PRICKLE2: variants seen among roughly 807,000 people sequenced by gnomAD.
PRICKLE2 encodes the protein prickle planar cell polarity protein 2, also known as prickle-like protein 2.
A neutral mutation model predicts 81.4 loss-of-function variants in PRICKLE2; 21 were observed. The ratio of observed to expected loss-of-function variants is 0.26; its 90% CI spans 0.18 to 0.37. PRICKLE2 has a LOEUF of 0.37. Among genes scored for constraint, PRICKLE2 ranks in the 10% least tolerant of loss-of-function variants. The pLI is 1.00. For missense variants in PRICKLE2, 940 were observed against 1,109.0 expected (o/e 0.85, Z 2.16); for synonymous variants, 456 against 421.5 (o/e 1.08, Z -1.00).
chr3:64,148,299 C>T (rs2077489702), intron 6 of PRICKLE2, among the ~76,000 whole-genome samples: 1 of 152,214 alleles, frequency 6.6e-6, no homozygotes, highest in South Asian at 2.1e-4. Flanking sequence ...AGTGATTCTC[C>T]ATTACTCTCC....
intron 2 of PRICKLE2, among the ~76,000 whole-genome samples, chr3:64,262,612 G>C (rs2107191065): frequency 6.6e-6 from 1 of 151,626 alleles, no homozygotes; most frequent in South Asian, 2.1e-4. Context: ...AAGGAGGCAG[G>C]AGCGGCTGAC....
intron 7 of PRICKLE2, among the ~76,000 whole-genome samples, chr3:64,133,148 C>T (rs2077221606): frequency 6.6e-6 from 1 of 152,132 alleles, no homozygotes; most frequent in Admixed American, 6.6e-5. Flanking sequence ...CCTAACGTGC[C>T]CCTATATTAA....
chr3:64,136,828 A>G (rs2077287466), intron 7 of PRICKLE2, among the ~76,000 whole-genome samples: 1 of 152,214 alleles, frequency 6.6e-6, no homozygotes, highest in African/African-American at 2.4e-5. Flanking sequence ...TTGATGGCAG[A>G]CAAAGGAAAT....
At chr3:64,108,202 G>A (rs766667030) in intron 7 of PRICKLE2, among the ~76,000 whole-genome samples, 2 of 152,200 alleles carry the variant, frequency 1.3e-5, no homozygotes, top group African/African-American at 2.4e-5. Flanking sequence ...ATAGACACAG[G>A]TTGTCAACCT....
chr3:64,179,820 CA>C (rs1267677701), intron 2 of PRICKLE2, among the ~76,000 whole-genome samples: 11 of 152,278 alleles, frequency 7.2e-5, no homozygotes, highest in African/African-American at 2.6e-4. Flanking sequence ...ACCATTTGAT[CA>C]CCAAGGAGTA....
At chr3:64,135,391 A>C (rs2077262070) in intron 7 of PRICKLE2, among the ~76,000 whole-genome samples, 1 of 152,194 alleles carries the variant, frequency 6.6e-6, no homozygotes, top group African/African-American at 2.4e-5. Context: ...AAGAGTTGAG[A>C]AAGGCAATTT....
intron 2 of PRICKLE2, among the ~76,000 whole-genome samples, chr3:64,192,121 T>C (rs567072352): frequency 9.5e-4 from 144 of 152,358 alleles, no homozygotes; most frequent in Admixed American, 1.8e-3. Flanking sequence ...ACAGAAATAA[T>C]TGATATGGAA....
chr3:64,155,749 A>G (rs2077625790), intron 5 of PRICKLE2, among the ~76,000 whole-genome samples: 1 of 152,208 alleles, frequency 6.6e-6, no homozygotes, highest in Non-Finnish European at 1.5e-5. Context: ...CATTGGAAAC[A>G]CGCTAAACGA....
intron 2 of PRICKLE2, among the ~76,000 whole-genome samples, chr3:64,237,282 C>A (rs2079196557): frequency 6.6e-6 from 1 of 152,098 alleles, no homozygotes; most frequent in South Asian, 2.1e-4. Context: ...CACCCTGGTC[C>A]TTGTCTGGCA....
chr3:64,112,471 G>A (rs2076864576), intron 7 of PRICKLE2, among the ~76,000 whole-genome samples: 1 of 152,180 alleles, frequency 6.6e-6, no homozygotes, highest in Non-Finnish European at 1.5e-5. Context: ...CTGACAGATG[G>A]ATAAATGGGT....
At chr3:64,218,433 G>A (rs1016274123) in intron 1 of PRICKLE2, among the ~76,000 whole-genome samples, 7 of 152,120 alleles carry the variant, frequency 4.6e-5, no homozygotes, top group Non-Finnish European at 7.3e-5. Flanking sequence ...AAGTTGTGAC[G>A]GTTCCAGAGT....
chr3:64,180,813 G>A (rs2078117364), intron 2 of PRICKLE2, among the ~76,000 whole-genome samples: 1 of 152,192 alleles, frequency 6.6e-6, no homozygotes. Flanking sequence ...GATTACAGGT[G>A]TGAGCCACCG....
chr3:64,151,368 A>G (rs1280919586), intron 6 of PRICKLE2, among the ~76,000 whole-genome samples: 1 of 152,246 alleles, frequency 6.6e-6, no homozygotes, highest in Non-Finnish European at 1.5e-5. Flanking sequence ...TGGATTTAAT[A>G]GGAAAGGAGG....
rs558712751 is a variant in PRICKLE2 at position 64,244,025 on chromosome 3, C to T, written c.129-45058G>A. Among the ~76,000 whole-genome samples, 122 of 152,280 alleles carry T rather than the reference C, an allele frequency of 8.0e-4. 1 individual carries two copies. In the South Asian group the frequency reaches 0.023, roughly 29 times the overall value. On this transcript the variant is annotated intron_variant, in intron 2 of 8. Coordinates refer to the PRICKLE2 transcript ENST00000295902. ...ATGGAATAGGAAAAGTTGCATCTTT[C>T]AGGGAAGACCCATCACCTGTTTGAT...
At chr3:64,116,984 A>G (rs1464537547) in intron 7 of PRICKLE2, among the ~76,000 whole-genome samples, 1 of 152,244 alleles carries the variant, frequency 6.6e-6, no homozygotes, top group Non-Finnish European at 1.5e-5. Context: ...CAGCACATCA[A>G]AAAGCTTATC....
At chr3:64,239,536 T>C (rs2079231082) in intron 2 of PRICKLE2, among the ~76,000 whole-genome samples, 1 of 152,142 alleles carries the variant, frequency 6.6e-6, no homozygotes, top group East Asian at 1.9e-4. Context: ...CGAAGGCCTG[T>C]AATCCTGTAA....
chr3:64,214,844 T>C (rs1474383448), intron 1 of PRICKLE2, among the ~76,000 whole-genome samples: 2 of 152,152 alleles, frequency 1.3e-5, no homozygotes, highest in African/African-American at 4.8e-5. Context: ...ACTTTTAGCA[T>C]AGTTGACGAA....
chr3:64,112,526 T>C (rs2076865773), intron 7 of PRICKLE2, among the ~76,000 whole-genome samples: 1 of 152,094 alleles, frequency 6.6e-6, no homozygotes, highest in African/African-American at 2.4e-5. Flanking sequence ...GATGGGTGTA[T>C]GGTATGAAGG....
At chr3:64,229,239 C>A (rs1158310300), upstream of PRICKLE2, among the ~76,000 whole-genome samples, 3 of 152,138 alleles carry the variant, frequency 2.0e-5, no homozygotes, top group Admixed American at 2.0e-4. Flanking sequence ...TCCATGCATG[C>A]TGGAAAATCA....
Sources: gnomAD v4.1 joint callset for allele counts (sites outside exome capture counted in the v4.1 genomes callset) on GRCh38, gnomAD v4.1.1 for gene constraint, MANE v1.5 for transcripts, NCBI Gene and HGNC (gene_info 2026-07-23, HGNC 2026-07-21) for gene names.